PCDH11Y: variants seen among roughly 807,000 people sequenced by gnomAD.
The protein encoded by PCDH11Y is protocadherin-11 Y-linked.
For synonymous variants in PCDH11Y, 9 were observed against 83.6 expected, an observed-to-expected ratio of 0.11 and a Z score of 4.87; for missense variants, 12 against 224.8, an observed-to-expected ratio of 0.05 and a Z score of 6.05.
intron 2 of PCDH11Y, among the ~76,000 whole-genome samples, chrY:5,409,840 G>A (rs2053244767): frequency 3.0e-5 from 1 of 33,742 alleles, no homozygotes; most frequent in Admixed American, 2.7e-4. Context: ...AGTGCAACAC[G>A]TTAGAAATGA....
chrY:5,088,354 A>T, intron 1 of PCDH11Y, among the ~76,000 whole-genome samples: 1 of 33,407 alleles, frequency 3.0e-5, no homozygotes, highest in Non-Finnish European at 7.4e-5. Context: ...TCATTGAGCA[A>T]AACTGGGACC....
rs2053225250 is a variant in PCDH11Y at position 5,394,518 on chromosome Y, T to A, written c.3130-106539T>A. Reference sequence around the variant, plus strand: ...AAATCATATTTGAGCTAAGACTGAATTTTAGGGGCATTCTTACTCTTCTGA... The same window carrying A: ...AAATCATATTTGAGCTAAGACTGAAATTTAGGGGCATTCTTACTCTTCTGA... On this transcript the variant is annotated intron_variant, in intron 2 of 4. Coordinates refer to the PCDH11Y transcript ENST00000400457. Among the ~76,000 whole-genome samples, 3 of 35,775 alleles carry A rather than the reference T, an allele frequency of 8.4e-5. No homozygotes were observed. The South Asian group carries it at 1.8e-3, about 21-fold the overall frequency.
At chrY:5,588,539 C>G in intron 4 of PCDH11Y, among the ~76,000 whole-genome samples, 1 of 33,107 alleles carries the variant, frequency 3.0e-5, no homozygotes, top group Non-Finnish European at 7.4e-5. Flanking sequence ...AATCCTTCAG[C>G]TTTTGTTTTT....
intron 2 of PCDH11Y, among the ~76,000 whole-genome samples, chrY:5,416,921 G>A: frequency 1.3e-4 from 4 of 31,854 alleles, no homozygotes; most frequent in African/African-American, 3.7e-4. Flanking sequence ...AGATTGTGAA[G>A]GGGCTTGTAT....
chrY:5,706,704 T>G, intron 4 of PCDH11Y, among the ~76,000 whole-genome samples: 1 of 32,068 alleles, frequency 3.1e-5, no homozygotes, highest in Non-Finnish European at 7.7e-5. Context: ...TGCTAAAATA[T>G]ATTTCGATAT....
At chrY:5,188,231 G>A (rs2052908317) in intron 2 of PCDH11Y, among the ~76,000 whole-genome samples, 1 of 32,778 alleles carries the variant, frequency 3.1e-5, no homozygotes, top group Non-Finnish European at 7.5e-5. Context: ...ACCTCTTTCT[G>A]TCTTCTTCTG....
chrY:5,385,263 G>C (rs1185655423), intron 2 of PCDH11Y, among the ~76,000 whole-genome samples: 15 of 27,438 alleles, frequency 5.5e-4, no homozygotes, highest in Non-Finnish European at 5.1e-4. Context: ...AGCATACATT[G>C]AACCCAATTT....
At chrY:5,064,932 G>T (rs2124629591) in intron 1 of PCDH11Y, among the ~76,000 whole-genome samples, 4 of 31,487 alleles carry the variant, frequency 1.3e-4, no homozygotes, top group African/African-American at 5.0e-4. Context: ...TTTGGCCAGG[G>T]TCTCAAACTC....
intron 2 of PCDH11Y, among the ~76,000 whole-genome samples, chrY:5,487,360 G>A (rs2053334908): frequency 6.4e-5 from 2 of 31,151 alleles, no homozygotes; most frequent in South Asian, 7.6e-4. Flanking sequence ...CACCACACCC[G>A]GCTAATTTTT....
chrY:5,037,502 G>A, intron 3 of PCDH11Y: 1 of 110,090 alleles, frequency 9.1e-6, no homozygotes, highest in Non-Finnish European at 2.0e-5. Context: ...CCGGGAGGCG[G>A]AGGTTGCAGT....
chrY:5,528,929 T>G, intron 3 of PCDH11Y, among the ~76,000 whole-genome samples: 1 of 33,208 alleles, frequency 3.0e-5, no homozygotes, highest in Non-Finnish European at 7.5e-5. Context: ...ATCATGCAAA[T>G]AAGAATTCGA....
intron 2 of PCDH11Y, among the ~76,000 whole-genome samples, chrY:5,457,951 T>C: frequency 3.0e-5 from 1 of 33,272 alleles, no homozygotes; most frequent in Non-Finnish European, 7.5e-5. Context: ...TAAACTGAAG[T>C]GGGCCCTCTG....
chrY:5,713,751 T>C, intron 4 of PCDH11Y, among the ~76,000 whole-genome samples: 1 of 30,657 alleles, frequency 3.3e-5, no homozygotes, highest in Non-Finnish European at 7.8e-5. Context: ...ACTTTGGAGA[T>C]TGTGACATTA....
intron 1 of PCDH11Y, among the ~76,000 whole-genome samples, chrY:5,069,314 C>G (rs2124630404): frequency 3.0e-5 from 1 of 33,681 alleles, no homozygotes; most frequent in South Asian, 6.6e-4. Flanking sequence ...ATTTCTATTT[C>G]CTTTGATACT....
At chrY:5,550,659 T>C (rs2053417904) in intron 3 of PCDH11Y, among the ~76,000 whole-genome samples, 1 of 32,852 alleles carries the variant, frequency 3.0e-5, no homozygotes, top group African/African-American at 1.2e-4. Flanking sequence ...ATATGTCCCC[T>C]TCCTTCTCTC....
chrY:5,517,434 CTA>C, intron 3 of PCDH11Y, among the ~76,000 whole-genome samples: 2 of 31,673 alleles, frequency 6.3e-5, no homozygotes, highest in South Asian at 1.4e-3. Context: ...CCTCACAAAA[CTA>C]TGTTTCCACT....
chrY:5,314,131 C>T, intron 2 of PCDH11Y, among the ~76,000 whole-genome samples: 1 of 33,582 alleles, frequency 3.0e-5, no homozygotes, highest in Non-Finnish European at 7.4e-5. Flanking sequence ...ACATAACTAC[C>T]ATAAGTAAAT....
At chrY:5,517,757 G>A (rs2053373984) in intron 3 of PCDH11Y, among the ~76,000 whole-genome samples, 1 of 32,496 alleles carries the variant, frequency 3.1e-5, no homozygotes, top group African/African-American at 1.2e-4. Context: ...GGGAAGTTAA[G>A]TCTTTCCCTC....
intron 2 of PCDH11Y, among the ~76,000 whole-genome samples, chrY:5,278,491 G>C: frequency 9.0e-5 from 3 of 33,360 alleles, no homozygotes; most frequent in African/African-American, 3.5e-4. Flanking sequence ...GTTGTCATCT[G>C]CTCTTGACAT....
Sources: allele counts gnomAD v4.1 joint callset (sites outside exome capture counted in the v4.1 genomes callset), GRCh38; gene constraint gnomAD v4.1.1; transcripts MANE v1.5; gene names NCBI Gene and HGNC (gene_info 2026-07-23, HGNC 2026-07-21).